FAM171A2: variants seen among roughly 807,000 people sequenced by gnomAD.
FAM171A2 encodes the protein family with sequence similarity 171 member A2, also known as protein FAM171A2.
A neutral mutation model predicts 34.2 loss-of-function variants in FAM171A2; 13 were observed. The ratio of observed to expected loss-of-function variants is 0.38; its 90% confidence interval spans 0.25 to 0.60. FAM171A2 has a LOEUF of 0.60. Among genes scored for constraint, FAM171A2 ranks in the 20% least tolerant of loss-of-function variants. The pLI is 0.62. For synonymous variants in FAM171A2, 475 were observed against 561.2 expected, an observed-to-expected ratio of 0.85 and a Z score of 2.17; for missense variants, 950 against 1,180.7, an observed-to-expected ratio of 0.80 and a Z score of 2.86.
chr17:44,361,832 C>T (rs190177357), intron 1 of FAM171A2, among the ~76,000 whole-genome samples: 90 of 152,026 alleles, frequency 5.9e-4, no homozygotes, highest in Non-Finnish European at 6.8e-4. Context: ...GAGGTAGAGC[C>T]TAGGAGGACG....
chr17:44,359,982 C>T lies in FAM171A2; in HGVS notation c.269G>A (p.Gly90Asp), dbSNP rs1381547043. ...VATLPLSYRL[G>D]TWVLVTAARP... ...GGCAGCAGTGACCAGCACCCAGGTG[C>T]CCAAGCGATAACTGAGGGGCAGGGT... Residue 90 changes from glycine (G) to aspartate (D), a missense_variant, in exon 2 of 8, where the codon GGC (glycine) becomes GAC (aspartate). Physicochemically the swap from Gly to Asp is moderately conservative, Grantham distance 94. Coordinates refer to ENST00000293443, the MANE Select transcript of FAM171A2 (RefSeq NM_198475.3). The T allele has an allele frequency of 6.4e-7, 1 of 1,551,708 alleles. No homozygotes were observed. Among genetic ancestry groups the T allele is most frequent in the East Asian group, 2.4e-5 (1 of 40,924 alleles).
At chr17:44,359,797 C>T in intron 2 of FAM171A2, 108 bp downstream of exon 2, 1 of 1,362,236 alleles carries the variant, frequency 7.3e-7, no homozygotes, top group Non-Finnish European at 9.9e-7. Flanking sequence ...CCAGCCCAGG[C>T]AGCAGCTGCT....
chr17:44,355,354 C>T lies in FAM171A2; in HGVS notation c.1023-163G>A, dbSNP rs1598368345. Among the ~76,000 whole-genome samples, 3 of 152,246 alleles carry T rather than the reference C, an allele frequency of 2.0e-5. No homozygotes were observed. The highest frequency in any genetic ancestry group is 1.3e-4 in the Admixed American group (2 of 15,292). ...GCGGGGAGCCGCCGTGTCCGTTTGG[C>T]GATCCCCTCAGGGTCAACTCTGCAC... On this transcript the variant is annotated intron_variant, in intron 7 of 7. Coordinates refer to ENST00000293443, the MANE Select transcript of FAM171A2 (RefSeq NM_198475.3). The surrounding 1 kb of genome is among the most constrained non-coding windows in gnomAD (Gnocchi z 4.1).
At position 44,359,183 on chromosome 17, in the gene FAM171A2, G is replaced by T. The variant is rs141353462; in HGVS notation, c.439+396C>A. ...AAGTACTAGCTGAGCGAGACCAAAA[G>T]CCTGGGGGTAGACCAGGAACTGCAG... On this transcript the variant is annotated intron_variant, in intron 3 of 7. Coordinates refer to ENST00000293443, the MANE Select transcript of FAM171A2 (RefSeq NM_198475.3). The T allele has an allele frequency of 7.4e-5, 14 of 189,834 alleles. No homozygotes were observed. The East Asian group carries it at 1.8e-3, about 24-fold the overall frequency. 11.8% of individuals were successfully genotyped at this position (189,834 alleles called of 1,614,324 possible).
chr17:44,360,355 C>T (rs1472155217), intron 1 of FAM171A2, among the ~76,000 whole-genome samples: 2 of 152,222 alleles, frequency 1.3e-5, no homozygotes, highest in Admixed American at 6.5e-5. Context: ...CTAACACATG[C>T]GCTGTGTCAC....
chr17:44,354,730 G>A lies in FAM171A2; in HGVS notation c.1484C>T (p.Thr495Ile). The A allele has an allele frequency of 7.6e-7, 1 of 1,324,102 alleles. No individual in the cohort carries two copies. The highest frequency in any genetic ancestry group is 1.8e-5 in the South Asian group (1 of 54,158). 82.0% of individuals were successfully genotyped at this position (1,324,102 alleles called of 1,614,324 possible). Residue 495 changes from threonine (T) to isoleucine (I), a missense_variant, in exon 8 of 8, where the codon ACC becomes ATC. Transcript: ENST00000293443. The surrounding 1 kb of genome is among the most constrained non-coding windows in gnomAD (Gnocchi z 5.8). ...CGACTGCGACAGCAGGAAGTCGGGG[G>A]TCTTGCCCTCGGCCGCCCCCTTGTG... Reference protein sequence around the residue: ...LGHKGAAEGKTPDFLLSQSVD... With the variant: ...LGHKGAAEGKIPDFLLSQSVD...
At position 44,354,527 on chromosome 17, in the gene FAM171A2, C is replaced by T; in HGVS notation, c.1687G>A (p.Ala563Thr). ...AGAAGVGDEP[A>T]PPEGTAPGPA... is the part of the protein sequence containing the mutation. Reference sequence around the variant, plus strand: ...CCGGGTGCCGTGCCCTCCGGCGGGGCCGGCTCGTCGCCCACGCCGGCGGCG... The same window carrying T: ...CCGGGTGCCGTGCCCTCCGGCGGGGTCGGCTCGTCGCCCACGCCGGCGGCG... Residue 563 changes from alanine to threonine, a missense_variant, in exon 8 of 8, where the codon GCC (alanine) becomes ACC (threonine). Transcript: ENST00000293443. This position sits in a 1 kb window ranked among gnomAD's most constrained non-coding sequence, Gnocchi z 5.8. The T allele has an allele frequency of 8.6e-7, 1 of 1,160,490 alleles. No homozygotes were observed. Among genetic ancestry groups the T allele is most frequent in the Non-Finnish European group, 1.1e-6 (1 of 941,900 alleles). The allele number at this position is 1,160,490 out of a possible 1,614,324, so 71.9% of individuals were successfully genotyped here.
Position 44,356,646 on chromosome 17 carries a change from G to C in FAM171A2, c.440-58C>G, listed in dbSNP as rs181328733. 1.4e-3 allele frequency: 2,048 copies of C among 1,469,884 alleles called. 19 individuals are homozygous for C. Among genetic ancestry groups the C allele is most frequent in the East Asian group, 8.5e-3 (343 of 40,132 alleles). 91.1% of individuals were successfully genotyped at this position (1,469,884 alleles called of 1,614,324 possible). A position where few individuals can be genotyped will look rare whatever the true frequency, so the allele number is the denominator to read the frequency against. ...CATGGACAGGGATCCCCAGGGACCA[G>C]AGCAGAAACCCATTATCTAAGGAAA... On this transcript the variant is annotated intron_variant, in intron 3 of 7. Transcript: ENST00000293443.
At chr17:44,359,276 A>ATCTCGGTGGTCG in intron 3 of FAM171A2, 2 of 399,908 alleles carry the variant, frequency 5.0e-6, no homozygotes, top group Non-Finnish European at 9.4e-6. Flanking sequence ...ATCTGTGTAG[A>ATCTCGGTGGTCG]CCCATTGAAG....
In FAM171A2 at chr17:44,353,687, G is replaced by A; in HGVS notation, c.*46C>T. 2 of 1,226,986 alleles carry A rather than the reference G, an allele frequency of 1.6e-6. No individual in the cohort carries two copies. Among genetic ancestry groups the A allele is most frequent in the Non-Finnish European group, 2.0e-6 (2 of 985,696 alleles). 76.0% of individuals were successfully genotyped at this position (1,226,986 alleles called of 1,614,324 possible). A position where few individuals can be genotyped will look rare whatever the true frequency, so the allele number is the denominator to read the frequency against. Reference sequence around the variant, plus strand: ...GCGGGCCCCCGGGGCGCGCACCCTGGGTGCGGGCCCGCGCGGGAGGGGCGG... The same window carrying A: ...GCGGGCCCCCGGGGCGCGCACCCTGAGTGCGGGCCCGCGCGGGAGGGGCGG... On this transcript the variant is annotated 3_prime_UTR_variant, in exon 8 of 8. Coordinates refer to ENST00000293443, the MANE Select transcript of FAM171A2 (RefSeq NM_198475.3).
At chr17:44,356,619 A>G in intron 3 of FAM171A2, 31 bp from the exon 4 acceptor site, 1 of 1,514,364 alleles carries the variant, frequency 6.6e-7, no homozygotes, top group South Asian at 1.2e-5. Context: ...CAGTGGCTTG[A>G]CCATGGACAG....
At position 44,353,698 on chromosome 17, in the gene FAM171A2, G is replaced by A. The variant is rs1459195695; in HGVS notation, c.*35C>T. 1.6e-6 allele frequency: 2 copies of A among 1,276,918 alleles called. No individual in the cohort carries two copies. Among genetic ancestry groups the A allele is most frequent in the Non-Finnish European group, 2.0e-6 (2 of 1,013,958 alleles). 79.1% of individuals were successfully genotyped at this position (1,276,918 alleles called of 1,614,324 possible). A position where few individuals can be genotyped will look rare whatever the true frequency, so the allele number is the denominator to read the frequency against. ...GGGCGCGCACCCTGGGTGCGGGCCCGCGCGGGAGGGGCGGTGCCAGGCCCT... is the reference window on the plus strand; with the variant it reads ...GGGCGCGCACCCTGGGTGCGGGCCCACGCGGGAGGGGCGGTGCCAGGCCCT... On this transcript the variant is annotated 3_prime_UTR_variant, in exon 8 of 8. Transcript: ENST00000293443.
In FAM171A2 at chr17:44,363,690, C is replaced by T; in HGVS notation, c.25G>A (p.Val9Ile). 4.1e-6 allele frequency: 5 copies of T among 1,220,916 alleles called. No homozygotes were observed. The highest frequency in any genetic ancestry group is 5.1e-6 in the Non-Finnish European group (5 of 980,798). 75.6% of individuals were successfully genotyped at this position (1,220,916 alleles called of 1,614,324 possible). Residue 9 changes from valine (V) to isoleucine (I), a missense_variant, in exon 1 of 8, where the codon GTC becomes ATC. Transcript: ENST00000293443. MPPASGPS[V>I]LARLLPLLGL... The stretch of plus-strand genomic sequence containing the variant: ...AGCAGCGGCAACAGCCGCGCGAGGA[C>T]GCTGGGGCCACTCGCCGGCGGCATC...
chr17:44,355,948 C>T lies in FAM171A2; in HGVS notation c.895+10G>A, dbSNP rs759216174. 5.2e-6 allele frequency: 8 copies of T among 1,539,290 alleles called. No homozygotes were observed. Among genetic ancestry groups the T allele is most frequent in the South Asian group, 2.4e-5 (2 of 82,286 alleles). The stretch of plus-strand genomic sequence containing the variant: ...CGCGGCCTCTACGCCCACTGCCCCA[C>T]TACTCTTACCAGCCGTGGGGGAGGC... On this transcript the variant is annotated intron_variant, in intron 6 of 7. Transcript: ENST00000293443. The surrounding 1 kb of genome is among the most constrained non-coding windows in gnomAD (Gnocchi z 4.1).
rs796932169 is a variant in FAM171A2 at position 44,359,598 on chromosome 17, G to A, written c.420C>T (p.His140=). 5 of 1,551,286 alleles carry A rather than the reference G, an allele frequency of 3.2e-6. 1 individual carries two copies. The African/African-American group carries it at 6.8e-5, about 21-fold the overall frequency. Residue 140 remains histidine, a synonymous_variant, in exon 3 of 8, where the codon CAC becomes CAT. Transcript: ENST00000293443. Reference sequence around the variant, plus strand: ...CCTTACCGGGAGAGCCTAGGAGAATGTGCACCAGGTCCTCATAGAGGATGA... The same window carrying A: ...CCTTACCGGGAGAGCCTAGGAGAATATGCACCAGGTCCTCATAGAGGATGA... ...ATLILYEDLV[H]ILLGSPGARS...
At position 44,359,664 on chromosome 17, in the gene FAM171A2, C is replaced by G. The variant is rs138979254; in HGVS notation, c.354G>C (p.Ala118=). The change falls in exon 3 of 8, where the codon GCG becomes GCC. Residue 118 remains alanine (A), a synonymous_variant. Transcript: ENST00000293443. ...PWRVDKLPLY[A]SVSLYLLPER... ...CAGGGAGCAGGTAGAGGCTGACAGACGCATACACTGCGGGAGGGATGGCCG... is the reference window on the plus strand; with the variant it reads ...CAGGGAGCAGGTAGAGGCTGACAGAGGCATACACTGCGGGAGGGATGGCCG... 13 of 1,550,464 alleles carry G rather than the reference C, an allele frequency of 8.4e-6. No individual in the cohort carries two copies. The highest frequency in any genetic ancestry group is 1.1e-5 in the Non-Finnish European group (13 of 1,146,868).
At position 44,355,219 on chromosome 17, in the gene FAM171A2, C is replaced by T; in HGVS notation, c.1023-28G>A. Reference sequence around the variant, plus strand: ...GGAAGGGAGGGAGCAGAAGGGGCCGCTCAGGAAAGGGTGAGGGCCAAAGTA... The same window carrying T: ...GGAAGGGAGGGAGCAGAAGGGGCCGTTCAGGAAAGGGTGAGGGCCAAAGTA... On this transcript the variant is annotated intron_variant, in intron 7 of 7. Coordinates refer to ENST00000293443, the MANE Select transcript of FAM171A2 (RefSeq NM_198475.3). This position sits in a 1 kb window ranked among gnomAD's most constrained non-coding sequence, Gnocchi z 4.1. The T allele has an allele frequency of 6.5e-7, 1 of 1,548,472 alleles. No homozygotes were observed. The highest frequency in any genetic ancestry group is 8.7e-7 in the Non-Finnish European group (1 of 1,146,108).
intron 1 of FAM171A2, 79 bp from the exon 2 acceptor site, chr17:44,360,211 A>G: frequency 1.6e-6 from 2 of 1,237,794 alleles, no homozygotes; most frequent in Non-Finnish European, 2.3e-6. Flanking sequence ...GATCAGAGGA[A>G]GGAGCTGTGT....
At position 44,363,520 on chromosome 17, in the gene FAM171A2, G is replaced by A. The variant is rs2048456868; in HGVS notation, c.118+77C>T. The A allele has an allele frequency of 2.6e-5, 16 of 624,640 alleles. No homozygotes were observed. In the East Asian group the frequency reaches 5.8e-4, roughly 23 times the overall value. The allele number at this position is 624,640 out of a possible 1,614,324, so 38.7% of individuals were successfully genotyped here. ...ATACCACTCAATTCACGAACGCCGC[G>A]AAGAGGGGGCTGACGGGCGGGAGCC... On this transcript the variant is annotated intron_variant, in intron 1 of 7. Coordinates refer to ENST00000293443, the MANE Select transcript of FAM171A2 (RefSeq NM_198475.3).
Sources: allele counts gnomAD v4.1 joint callset (sites outside exome capture counted in the v4.1 genomes callset), GRCh38; gene constraint gnomAD v4.1.1; non-coding constraint Gnocchi (gnomAD v3.1); transcripts MANE v1.5; gene names NCBI Gene and HGNC (gene_info 2026-07-23, HGNC 2026-07-21).